The following PDE11A variants were observed in gnomAD, a reference collection of about 807,000 sequenced individuals.
PDE11A encodes the protein phosphodiesterase 11A.
Under a neutral mutation model 100.5 loss-of-function variants are expected in PDE11A, and 100 were observed. The observed-to-expected ratio is 1.00, with a 90% CI of 0.85 to 1.18. PDE11A has a LOEUF of 1.18. Among genes scored for constraint, PDE11A ranks in the 50% most tolerant of loss-of-function variants. The pLI is 0.00. For synonymous variants in PDE11A, 381 were observed against 420.8 expected (o/e 0.91, Z 1.16); for missense variants, 1,141 against 1,152.6 (o/e 0.99, Z 0.15).
chr2:177,754,239 A>C (rs1368971374), intron 10 of PDE11A, among the ~76,000 whole-genome samples: 1 of 152,208 alleles, frequency 6.6e-6, no homozygotes, highest in Non-Finnish European at 1.5e-5. Flanking sequence ...AGACTATTTC[A>C]AGGCTGAGTG....
intron 5 of PDE11A, among the ~76,000 whole-genome samples, chr2:177,858,894 C>T (rs1574224123): frequency 6.6e-6 from 1 of 152,204 alleles, no homozygotes; most frequent in South Asian, 2.1e-4. Flanking sequence ...GGCACATATA[C>T]ACCATGGAAT....
At chr2:178,068,662 G>A (rs1322149316) in intron 1 of PDE11A, among the ~76,000 whole-genome samples, 1 of 152,106 alleles carries the variant, frequency 6.6e-6, no homozygotes, top group African/African-American at 2.4e-5. Context: ...TGCATATATG[G>A]TACAAATTAA....
chr2:177,775,226 T>C (rs1373843271), intron 9 of PDE11A, among the ~76,000 whole-genome samples: 1 of 152,172 alleles, frequency 6.6e-6, no homozygotes, highest in Non-Finnish European at 1.5e-5. Context: ...GTATGTGTTG[T>C]TTTAATCCAC....
intron 6 of PDE11A, among the ~76,000 whole-genome samples, chr2:177,825,229 T>C (rs2083210017): frequency 6.6e-6 from 1 of 152,168 alleles, no homozygotes; most frequent in Non-Finnish European, 1.5e-5. Flanking sequence ...AAAGCAGAGC[T>C]GCAACTATTC....
Position 177,644,027 on chromosome 2 carries a change from T to C in PDE11A, c.2647-14465A>G, listed in dbSNP as rs570470609. 3.9e-5 allele frequency among the ~76,000 whole-genome samples: 6 copies of C among 152,324 alleles called. No homozygotes were observed. The South Asian group carries it at 8.3e-4, about 21-fold the overall frequency. ...AAATGCCTGTATATCCAGAAGGAAG[T>C]CTTCTGCAGGGGTGGGGCCCTCATG... On this transcript the variant is annotated intron_variant, in intron 19 of 19. Transcript: ENST00000286063.
At chr2:177,839,699 A>C (rs2105622050) in intron 6 of PDE11A, among the ~76,000 whole-genome samples, 1 of 152,328 alleles carries the variant, frequency 6.6e-6, no homozygotes, top group South Asian at 2.1e-4. Flanking sequence ...GAAACCTTGT[A>C]TTTAATGAAT....
intron 1 of PDE11A, among the ~76,000 whole-genome samples, chr2:178,015,041 A>G (rs2105827848): frequency 6.6e-6 from 1 of 152,328 alleles, no homozygotes; most frequent in South Asian, 2.1e-4. Flanking sequence ...AATTATGTTT[A>G]CAAGCAAGGG....
At chr2:177,738,788 A>C (rs1054818732) in intron 10 of PDE11A, among the ~76,000 whole-genome samples, 1 of 152,162 alleles carries the variant, frequency 6.6e-6, no homozygotes. Flanking sequence ...CAATTCAATG[A>C]CTGTTTCAGT....
intron 1 of PDE11A, among the ~76,000 whole-genome samples, chr2:178,066,511 G>C (rs1053772485): frequency 6.6e-6 from 1 of 152,178 alleles, no homozygotes; most frequent in Non-Finnish European, 1.5e-5. Flanking sequence ...GCCCAGGACT[G>C]GTTTTTGGCC....
rs1288279994 is a variant in PDE11A at position 177,624,351 on chromosome 2, T to G, written c.*5056A>C. 4 of 152,194 alleles carry G rather than the reference T, an allele frequency of 2.6e-5. No individual in the cohort carries two copies. In the Middle Eastern group the frequency reaches 0.01, roughly 388 times the overall value. 9.4% of individuals were successfully genotyped at this position (152,194 alleles called of 1,614,324 possible). On this transcript the variant is annotated 3_prime_UTR_variant, in exon 20 of 20. Transcript: ENST00000286063. ...TCTGTCCCACTGGAAGGAAATTGTT[T>G]CACACTATTACTGGAGATGAAACTG...
chr2:177,934,435 A>T (rs1455390612), intron 2 of PDE11A, among the ~76,000 whole-genome samples: 1 of 152,240 alleles, frequency 6.6e-6, no homozygotes, highest in Non-Finnish European at 1.5e-5. Context: ...CCACAATGAG[A>T]TACCATCTCA....
rs528842381 is a variant in PDE11A, at chr2:177,953,015, G to A, written c.1072-47828C>T. On this transcript the variant is annotated intron_variant, in intron 2 of 19. Transcript: ENST00000286063. ...AAAAGCAGGAAAATATTTCAGATTT[G>A]TTGCCAAACCTCTGTGAGTATGTTA... is the stretch of plus-strand genomic sequence containing the variant. The A allele has an allele frequency of 2.0e-5, 3 of 152,140 alleles. No homozygotes were observed. The East Asian group carries it at 5.8e-4, about 29-fold the overall frequency. The allele number at this position is 152,140 out of a possible 1,614,324, so 9.4% of individuals were successfully genotyped here.
intron 5 of PDE11A, among the ~76,000 whole-genome samples, chr2:177,845,515 C>T (rs1433606519): frequency 1.3e-5 from 2 of 149,524 alleles, no homozygotes; most frequent in East Asian, 4.0e-4. Context: ...GATGGGATGG[C>T]GGCCGGGCGG....
intron 9 of PDE11A, among the ~76,000 whole-genome samples, chr2:177,791,053 C>T (rs1163654539): frequency 1.3e-5 from 2 of 152,068 alleles, no homozygotes; most frequent in East Asian, 3.9e-4. Context: ...ACCCCAAGGA[C>T]TATAAATCAT....
chr2:177,804,289 G>A (rs572167667), intron 9 of PDE11A, among the ~76,000 whole-genome samples: 4 of 151,098 alleles, frequency 2.6e-5, no homozygotes, highest in Non-Finnish European at 4.4e-5. Flanking sequence ...TAAAAAGTGG[G>A]GAAAGGACAT....
intron 1 of PDE11A, among the ~76,000 whole-genome samples, chr2:178,031,631 T>TA (rs968653972): frequency 1.3e-5 from 2 of 151,500 alleles, no homozygotes; most frequent in Admixed American, 6.6e-5. Context: ...TAGTGAAAAC[T>TA]AAAAAAAAGA....
At chr2:178,012,457 A>G (rs2105826040) in intron 2 of PDE11A, among the ~76,000 whole-genome samples, 1 of 152,286 alleles carries the variant, frequency 6.6e-6, no homozygotes, top group Middle Eastern at 3.4e-3. Context: ...CTCTCCTGCT[A>G]TAGAGTGGTG....
intron 9 of PDE11A, among the ~76,000 whole-genome samples, chr2:177,791,606 T>G (rs1033475012): frequency 6.6e-6 from 1 of 151,908 alleles, no homozygotes; most frequent in African/African-American, 2.4e-5. Context: ...AGTATATACA[T>G]TTGTGGTTTA....
At chr2:177,962,971 A>AG (rs2085654444) in intron 2 of PDE11A, among the ~76,000 whole-genome samples, 1 of 152,164 alleles carries the variant, frequency 6.6e-6, no homozygotes, top group South Asian at 2.1e-4. Context: ...CAAAGTTTTA[A>AG]TTTTCAAAAG....
Sources: gnomAD v4.1 joint callset for allele counts (sites outside exome capture counted in the v4.1 genomes callset) on GRCh38, gnomAD v4.1.1 for gene constraint, MANE v1.5 for transcripts, NCBI Gene and HGNC (gene_info 2026-07-23, HGNC 2026-07-21) for gene names.